The following WDR49 variants were observed in gnomAD, a reference collection of about 807,000 sequenced individuals.
The protein encoded by WDR49 is cilia- and flagella-associated protein 337.
Under a neutral mutation model 119.5 loss-of-function variants are expected in WDR49, and 107 were observed. That is an observed-to-expected ratio of 0.90 (90% CI 0.77 to 1.05). The LOEUF (loss-of-function observed/expected upper bound fraction) is 1.05, where lower values mean the gene tolerates loss of function less well. Among genes scored for constraint, WDR49 ranks in the 50% least tolerant of loss-of-function variants. WDR49 has a pLI of 0.00. For synonymous variants in WDR49, 425 were observed against 418.8 expected, an observed-to-expected ratio of 1.01 and a Z score of -0.18; for missense variants, 1,240 against 1,220.5, an observed-to-expected ratio of 1.02 and a Z score of -0.24.
At chr3:167,566,518 A>G (rs1453748946) in intron 8 of WDR49, among the ~76,000 whole-genome samples, 10 of 152,156 alleles carry the variant, frequency 6.6e-5, no homozygotes, top group Non-Finnish European at 1.5e-4. Context: ...CCTATAAAAT[A>G]ATATATATTC....
chr3:167,581,203 C>A (rs952061484), intron 7 of WDR49, among the ~76,000 whole-genome samples: 3 of 152,228 alleles, frequency 2.0e-5, no homozygotes, highest in Middle Eastern at 6.8e-3. Flanking sequence ...ATGATAATGA[C>A]ATTTTCTTGC....
At chr3:167,619,142 T>A (rs1716743266) in intron 5 of WDR49, among the ~76,000 whole-genome samples, 1 of 152,178 alleles carries the variant, frequency 6.6e-6, no homozygotes, top group Non-Finnish European at 1.5e-5. Context: ...AATAATACAT[T>A]AACTTTCAGA....
intron 9 of WDR49, among the ~76,000 whole-genome samples, chr3:167,557,837 G>C (rs1185628387): frequency 1.3e-5 from 2 of 151,992 alleles, no homozygotes; most frequent in South Asian, 4.2e-4. Flanking sequence ...ATAGTGCCTG[G>C]TTCATAGTGA....
intron 18 of WDR49, among the ~76,000 whole-genome samples, chr3:167,491,475 C>T (rs1426169018): frequency 1.3e-5 from 2 of 152,106 alleles, no homozygotes; most frequent in Non-Finnish European, 2.9e-5. Flanking sequence ...ATCTACCTAC[C>T]TCTACAAAAG....
At chr3:167,560,290 C>G in intron 8 of WDR49, 62 bp from the exon 9 acceptor site, 1 of 1,487,494 alleles carries the variant, frequency 6.7e-7, no homozygotes, top group Non-Finnish European at 9.1e-7. Flanking sequence ...ATTTATATTT[C>G]AATAAACATA....
In WDR49 at chr3:167,583,890, A is replaced by G. The variant is rs1714679316; in HGVS notation, c.1276-7739T>C. Among the ~76,000 whole-genome samples the G allele has an allele frequency of 4.6e-5, 7 of 152,318 alleles. No homozygotes were observed. The South Asian group carries it at 1.5e-3, about 32-fold the overall frequency. The stretch of plus-strand genomic sequence containing the variant: ...GAATAACTATATATTAGTAACAGTA[A>G]AAAATGAGGGAGTGAGAAAGATAAT... On this transcript the variant is annotated intron_variant, in intron 7 of 18. Coordinates refer to ENST00000682715, the MANE Select transcript of WDR49 (RefSeq NM_001366157.1).
chr3:167,556,454 T>C (rs1386768612), intron 9 of WDR49, among the ~76,000 whole-genome samples: 1 of 152,208 alleles, frequency 6.6e-6, no homozygotes, highest in Non-Finnish European at 1.5e-5. Context: ...TTAACCTACT[T>C]AGACAGTGGA....
intron 18 of WDR49, among the ~76,000 whole-genome samples, chr3:167,483,630 A>T (rs1750809772): frequency 6.6e-6 from 1 of 152,342 alleles, no homozygotes; most frequent in South Asian, 2.1e-4. Context: ...TTTATTTATA[A>T]AAGTGGCTAT....
At chr3:167,519,002 C>T (rs1752323719) in intron 16 of WDR49, among the ~76,000 whole-genome samples, 1 of 151,320 alleles carries the variant, frequency 6.6e-6, no homozygotes, top group Admixed American at 6.6e-5. Context: ...GACATTTATG[C>T]AACCAACAAA....
At position 167,627,033 on chromosome 3, in the gene WDR49, G is replaced by T; in HGVS notation, c.425C>A (p.Thr142Asn). ...LEFLPVKHKD[T>N]IQKVIFLKNS... Reference sequence around the variant, plus strand: ...TTTTAAGAAAATTACTTTTTGAATGGTGTCCTTGTGTTTTACTGGGAGGAA... The same window carrying T: ...TTTTAAGAAAATTACTTTTTGAATGTTGTCCTTGTGTTTTACTGGGAGGAA... Residue 142 changes from threonine to asparagine, a missense_variant, in exon 3 of 19, where the codon ACC becomes AAC. Coordinates refer to ENST00000682715, the MANE Select transcript of WDR49 (RefSeq NM_001366157.1). 3 of 1,323,382 alleles carry T rather than the reference G, an allele frequency of 2.3e-6. No homozygotes were observed. The highest frequency in any genetic ancestry group is 2.9e-6 in the Non-Finnish European group (3 of 1,038,192). 82.0% of individuals were successfully genotyped at this position (1,323,382 alleles called of 1,614,324 possible).
intron 11 of WDR49, among the ~76,000 whole-genome samples, chr3:167,534,060 T>G (rs1257586256): frequency 1.3e-5 from 2 of 151,186 alleles, no homozygotes; most frequent in Admixed American, 6.6e-5. Flanking sequence ...CTGGGTGTGG[T>G]GGCATGTGCC....
chr3:167,602,798 A>G (rs1715845448), intron 6 of WDR49, among the ~76,000 whole-genome samples: 1 of 152,218 alleles, frequency 6.6e-6, no homozygotes, highest in Non-Finnish European at 1.5e-5. Flanking sequence ...ATATACGAAT[A>G]TGGTCCCATG....
In WDR49 at chr3:167,536,970, G is replaced by A; in HGVS notation, c.1854C>T (p.Phe618=). 6.3e-7 allele frequency: 1 copy of A among 1,590,270 alleles called. No homozygotes were observed. The highest frequency in any genetic ancestry group is 8.6e-7 in the Non-Finnish European group (1 of 1,168,666). The stretch of plus-strand genomic sequence containing the variant: ...CTTCAGGCTGGATGAAAAATTGATT[G>A]AAGTTTTGGGGTCGAAACACAGTAA... ...RAITVFRPQN[F]NQFFIQPEEW... is the part of the protein sequence containing the mutation. Residue 618 remains phenylalanine (F), a synonymous_variant, in exon 11 of 19, where the codon TTC becomes TTT. Transcript: ENST00000682715.
chr3:167,482,797 G>A (rs1750773017), intron 18 of WDR49, among the ~76,000 whole-genome samples: 1 of 152,022 alleles, frequency 6.6e-6, no homozygotes, highest in African/African-American at 2.4e-5. Context: ...GTGGAGTTAA[G>A]GCTGACAAAA....
At chr3:167,509,665 T>C (rs1560257783) in intron 16 of WDR49, among the ~76,000 whole-genome samples, 1 of 152,190 alleles carries the variant, frequency 6.6e-6, no homozygotes, top group Admixed American at 6.5e-5. Context: ...AAGGCCTTTA[T>C]GCCTTTTGAC....
intron 7 of WDR49, among the ~76,000 whole-genome samples, chr3:167,579,416 A>G (rs1004210338): frequency 6.6e-6 from 1 of 152,184 alleles, no homozygotes; most frequent in Non-Finnish European, 1.5e-5. Context: ...ATAATCCTCA[A>G]TGAAATTTTA....
chr3:167,627,437 A>T (rs1027003026), intron 2 of WDR49, 145 bp from the exon 3 acceptor site: 1 of 712,264 alleles, frequency 1.4e-6, no homozygotes, highest in African/African-American at 1.9e-5. Context: ...TAACAGTAAT[A>T]TACTCAAGTG....
intron 10 of WDR49, among the ~76,000 whole-genome samples, chr3:167,552,340 A>G (rs1712626172): frequency 6.6e-6 from 1 of 152,070 alleles, no homozygotes; most frequent in Non-Finnish European, 1.5e-5. Context: ...GGGCATTAGG[A>G]GGACAAAGCA....
chr3:167,597,866 C>A (rs541684247), intron 7 of WDR49, among the ~76,000 whole-genome samples: 2 of 152,180 alleles, frequency 1.3e-5, no homozygotes, highest in Non-Finnish European at 2.9e-5. Context: ...TTGGAAATAA[C>A]TAAATTGCTT....
Sources: gnomAD v4.1 joint callset for allele counts (sites outside exome capture counted in the v4.1 genomes callset) on GRCh38, gnomAD v4.1.1 for gene constraint, MANE v1.5 for transcripts, NCBI Gene and HGNC (gene_info 2026-07-23, HGNC 2026-07-21) for gene names.